NUBPL: variants seen among roughly 807,000 people sequenced by gnomAD.
The protein encoded by NUBPL is iron-sulfur cluster transfer protein NUBPL.
In NUBPL, 31 loss-of-function variants were observed where a neutral mutation model predicts 45.7. That is an observed-to-expected ratio of 0.68 (90% CI 0.51 to 0.92). NUBPL has a LOEUF of 0.92. Among genes scored for constraint, NUBPL ranks in the 40% least tolerant of loss-of-function variants. The probability of loss-of-function intolerance (pLI) is 0.00; values close to 1 mark genes in which losing one functional copy is unlikely to be tolerated. For synonymous variants in NUBPL, 144 were observed against 140.9 expected (o/e 1.02, Z -0.15); for missense variants, 401 against 398.7 (o/e 1.01, Z -0.05).
At chr14:31,801,760 A>T (rs2039594375) in intron 7 of NUBPL, among the ~76,000 whole-genome samples, 1 of 152,194 alleles carries the variant, frequency 6.6e-6, no homozygotes, top group Admixed American at 6.5e-5. Context: ...ACAAAGACTG[A>T]GCAACTGAGA....
intron 6 of NUBPL, among the ~76,000 whole-genome samples, chr14:31,680,925 A>G (rs1233620445): frequency 6.6e-6 from 1 of 152,106 alleles, no homozygotes; most frequent in African/African-American, 2.4e-5. Flanking sequence ...GGCCAACTGT[A>G]CTTTTACTGC....
intron 6 of NUBPL, among the ~76,000 whole-genome samples, chr14:31,785,522 C>T (rs1456482019): frequency 6.6e-6 from 1 of 152,156 alleles, no homozygotes; most frequent in Non-Finnish European, 1.5e-5. Context: ...CTGAAACTGT[C>T]CCCTGCTCCC....
chr14:31,725,559 T>C (rs889172354), intron 6 of NUBPL, among the ~76,000 whole-genome samples: 1 of 152,146 alleles, frequency 6.6e-6, no homozygotes, highest in Non-Finnish European at 1.5e-5. Context: ...TGAAGGCAAT[T>C]TTATACATTT....
intron 4 of NUBPL, among the ~76,000 whole-genome samples, chr14:31,621,148 G>A (rs115081487): frequency 0.011 from 1,636 of 152,264 alleles, 29 homozygotes; most frequent in African/African-American, 0.037. Flanking sequence ...AAGGTCGAGC[G>A]TCCCAGGTTG....
intron 6 of NUBPL, among the ~76,000 whole-genome samples, chr14:31,748,619 A>G (rs1209895005): frequency 2.7e-5 from 4 of 150,558 alleles, no homozygotes; most frequent in African/African-American, 9.9e-5. Flanking sequence ...TTTGTTATTT[A>G]TTTATTTATT....
intron 6 of NUBPL, among the ~76,000 whole-genome samples, chr14:31,684,465 A>G (rs2036907552): frequency 6.6e-6 from 1 of 152,128 alleles, no homozygotes; most frequent in East Asian, 1.9e-4. Flanking sequence ...AACCTGAGGC[A>G]CTTTCAATTT....
At chr14:31,725,430 A>G (rs887430352) in intron 6 of NUBPL, among the ~76,000 whole-genome samples, 13 of 152,202 alleles carry the variant, frequency 8.5e-5, no homozygotes, top group African/African-American at 2.2e-4. Flanking sequence ...TGTTTTGGAT[A>G]TCAGATTTTT....
chr14:31,765,896 A>G (rs2038903777), intron 6 of NUBPL, among the ~76,000 whole-genome samples: 1 of 152,210 alleles, frequency 6.6e-6, no homozygotes, highest in East Asian at 1.9e-4. Context: ...ATATGTATAC[A>G]CAAAAATACA....
intron 4 of NUBPL, among the ~76,000 whole-genome samples, chr14:31,647,424 C>T (rs189243343): frequency 3.9e-5 from 6 of 152,258 alleles, no homozygotes; most frequent in Admixed American, 3.3e-4. Context: ...CACTAAATGG[C>T]ACCTTAAGCC....
chr14:31,830,506 G>A (rs567722697), intron 8 of NUBPL, among the ~76,000 whole-genome samples: 9 of 152,234 alleles, frequency 5.9e-5, no homozygotes, highest in African/African-American at 1.7e-4. Context: ...GATAAGCCAT[G>A]GCCAATTTAG....
intron 6 of NUBPL, among the ~76,000 whole-genome samples, chr14:31,678,743 G>A (rs2036759341): frequency 6.6e-6 from 1 of 152,190 alleles, no homozygotes; most frequent in Non-Finnish European, 1.5e-5. Context: ...GACCTGTGCA[G>A]CCTGGGGTTG....
At chr14:31,570,781 CTG>C (rs1236287689) in intron 3 of NUBPL, among the ~76,000 whole-genome samples, 1 of 152,154 alleles carries the variant, frequency 6.6e-6, no homozygotes, top group African/African-American at 2.4e-5. Context: ...GTCCCAAGTG[CTG>C]TGTTAGTTCT....
chr14:31,693,857 C>CT (rs36082577), intron 6 of NUBPL, among the ~76,000 whole-genome samples: 413 of 59,108 alleles, frequency 7.0e-3, no homozygotes, highest in Middle Eastern at 0.013. Flanking sequence ...CTTTTCTTTT[C>CT]TTTTTTTTTT....
intron 6 of NUBPL, among the ~76,000 whole-genome samples, chr14:31,690,856 C>T (rs2037076855): frequency 6.6e-6 from 1 of 152,196 alleles, no homozygotes; most frequent in Non-Finnish European, 1.5e-5. Context: ...GAGATGAGTG[C>T]TTCTGAACCA....
At chr14:31,716,275 A>G (rs1212603212) in intron 6 of NUBPL, among the ~76,000 whole-genome samples, 1 of 152,244 alleles carries the variant, frequency 6.6e-6, no homozygotes, top group African/African-American at 2.4e-5. Flanking sequence ...CTCTATAGTA[A>G]TGATAAAAAG....
intron 4 of NUBPL, among the ~76,000 whole-genome samples, chr14:31,651,163 T>C (rs2035993666): frequency 6.6e-6 from 1 of 152,134 alleles, no homozygotes; most frequent in South Asian, 2.1e-4. Flanking sequence ...GACAGAGTCT[T>C]GCTATGTTGC....
At chr14:31,633,891 A>G (rs2035411930) in intron 4 of NUBPL, among the ~76,000 whole-genome samples, 1 of 152,042 alleles carries the variant, frequency 6.6e-6, no homozygotes, top group Non-Finnish European at 1.5e-5. Flanking sequence ...TTTCGATATA[A>G]TTGCCGTTCT....
intron 4 of NUBPL, among the ~76,000 whole-genome samples, chr14:31,656,252 A>T (rs1008421796): frequency 7.2e-5 from 11 of 152,202 alleles, no homozygotes; most frequent in South Asian, 2.1e-4. Flanking sequence ...TTGATCTTCT[A>T]TCCAGACCAA....
At position 31,675,419 on chromosome 14, in the gene NUBPL, A is replaced by C. The variant is rs190598122; in HGVS notation, c.513+1845A>C. Among the ~76,000 whole-genome samples the C allele has an allele frequency of 5.1e-4, 77 of 152,360 alleles. 2 individuals carry two copies. The highest frequency in any genetic ancestry group is 1.8e-3 in the African/African-American group (76 of 41,586). On this transcript the variant is annotated intron_variant, in intron 6 of 10. Coordinates refer to ENST00000281081, the MANE Select transcript of NUBPL (RefSeq NM_025152.3). ...TGTTTTCACTTTTGTTTTGATTTAG[A>C]AACCAAACCATTATTTGGTAAATTT...
Sources: gnomAD v4.1 joint callset for allele counts (sites outside exome capture counted in the v4.1 genomes callset) on GRCh38, gnomAD v4.1.1 for gene constraint, MANE v1.5 for transcripts, NCBI Gene and HGNC (gene_info 2026-07-23, HGNC 2026-07-21) for gene names.